PARVA: variants seen among roughly 807,000 people sequenced by gnomAD.
The protein encoded by PARVA is parvin alpha.
PARVA carries 25 observed loss-of-function variants against 52.6 expected under a neutral mutation model. The observed-to-expected ratio is 0.48, with a 90% CI of 0.35 to 0.66. The LOEUF is 0.66. Among genes scored for constraint, PARVA ranks in the 30% least tolerant of loss-of-function variants. The pLI is 0.01. For synonymous variants in PARVA, 185 were observed against 179.1 expected (o/e 1.03, Z -0.26); for missense variants, 373 against 450.9 (o/e 0.83, Z 1.56).
chr11:12,413,254 T>C (rs1267392227), intron 1 of PARVA, among the ~76,000 whole-genome samples: 1 of 152,222 alleles, frequency 6.6e-6, no homozygotes, highest in African/African-American at 2.4e-5. Flanking sequence ...AATCAGATTC[T>C]GTCCAGCTTC....
intron 1 of PARVA, among the ~76,000 whole-genome samples, chr11:12,452,536 A>G (rs1940637329): frequency 6.6e-6 from 1 of 151,992 alleles, no homozygotes; most frequent in Non-Finnish European, 1.5e-5. Context: ...CCCACAATTT[A>G]CCTCTGCCTT....
At chr11:12,396,468 C>G (rs1482293626) in intron 1 of PARVA, among the ~76,000 whole-genome samples, 1 of 152,238 alleles carries the variant, frequency 6.6e-6, no homozygotes, top group East Asian at 1.9e-4. Context: ...CTAGCACACA[C>G]TGGCTGTGTC....
At chr11:12,463,986 T>TTG (rs1204222656) in intron 1 of PARVA, among the ~76,000 whole-genome samples, 1 of 151,314 alleles carries the variant, frequency 6.6e-6, no homozygotes, top group Admixed American at 6.6e-5. Flanking sequence ...CTTTTTTTTT[T>TTG]TTTTTTCCTG....
At chr11:12,515,092 G>C (rs1941551379) in intron 10 of PARVA, among the ~76,000 whole-genome samples, 1 of 152,236 alleles carries the variant, frequency 6.6e-6, no homozygotes, top group African/African-American at 2.4e-5. Flanking sequence ...GAGGCACTCT[G>C]TCCATTAGTC....
intron 1 of PARVA, among the ~76,000 whole-genome samples, chr11:12,403,489 G>A (rs1362205619): frequency 3.3e-5 from 5 of 152,228 alleles, no homozygotes; most frequent in African/African-American, 1.2e-4. Flanking sequence ...GGGAGGTTCT[G>A]ATGCGGTGGG....
chr11:12,497,473 G>C (rs529927182), intron 5 of PARVA, among the ~76,000 whole-genome samples: 1 of 152,310 alleles, frequency 6.6e-6, no homozygotes, highest in East Asian at 1.9e-4. Flanking sequence ...AGCAAATGGA[G>C]TCTTCACCTC....
At position 12,406,233 on chromosome 11, in the gene PARVA, T is replaced by G. The variant is rs1939903878; in HGVS notation, c.136+28450T>G. Among the ~76,000 whole-genome samples, 4 of 152,248 alleles carry G rather than the reference T, an allele frequency of 2.6e-5. No homozygotes were observed. The South Asian group carries it at 8.3e-4, about 32-fold the overall frequency. On this transcript the variant is annotated intron_variant, in intron 1 of 12. Coordinates refer to ENST00000334956, the MANE Select transcript of PARVA (RefSeq NM_018222.5). ...GGAAATTCAGGCAGGAATTAATTAA[T>G]TCTATTGTTTTACGATAGAATTCCA...
chr11:12,530,289 C>T lies in PARVA; in HGVS notation c.*2364C>T, dbSNP rs1941755977. Reference sequence around the variant, plus strand: ...GCTGTCATCTCAGTTCGATATTTTACTTTAGAACCTGGAATCTCCTACTTA... The same window carrying T: ...GCTGTCATCTCAGTTCGATATTTTATTTTAGAACCTGGAATCTCCTACTTA... On this transcript the variant is annotated 3_prime_UTR_variant, in exon 13 of 13. Coordinates refer to ENST00000334956, the MANE Select transcript of PARVA (RefSeq NM_018222.5). The T allele has an allele frequency of 6.6e-6, 1 of 152,050 alleles. No homozygotes were observed. The highest frequency in any genetic ancestry group is 1.5e-5 in the Non-Finnish European group (1 of 68,026). The allele number at this position is 152,050 out of a possible 1,614,324, so 9.4% of individuals were successfully genotyped here.
intron 1 of PARVA, among the ~76,000 whole-genome samples, chr11:12,428,353 A>C (rs1589953809): frequency 1.3e-5 from 2 of 152,188 alleles, no homozygotes; most frequent in African/African-American, 4.8e-5. Context: ...GAAAGAAGAG[A>C]AGACACAGCA....
At chr11:12,376,512 T>G (rs1357513113), upstream of PARVA, among the ~76,000 whole-genome samples, 1 of 152,226 alleles carries the variant, frequency 6.6e-6, no homozygotes, top group African/African-American at 2.4e-5. Flanking sequence ...GAGCACAACT[T>G]CTGACAACAG....
intron 4 of PARVA, among the ~76,000 whole-genome samples, chr11:12,493,612 T>TAAAA (rs11390518): frequency 6.2e-5 from 9 of 145,850 alleles, no homozygotes; most frequent in African/African-American, 2.3e-4. Context: ...TACCAGACGC[T>TAAAA]AAAAAAAAAA....
chr11:12,465,013 G>A (rs1047067404), intron 1 of PARVA, among the ~76,000 whole-genome samples: 1 of 152,106 alleles, frequency 6.6e-6, no homozygotes, highest in African/African-American at 2.4e-5. Context: ...TTCACAATAG[G>A]GTTTGCGCTC....
At chr11:12,432,997 A>G (rs1940336202) in intron 1 of PARVA, among the ~76,000 whole-genome samples, 1 of 152,220 alleles carries the variant, frequency 6.6e-6, no homozygotes, top group Non-Finnish European at 1.5e-5. Context: ...ATTAAAAGGT[A>G]TATTAAATTG....
intron 4 of PARVA, among the ~76,000 whole-genome samples, chr11:12,495,657 A>T (rs1241906934): frequency 6.4e-5 from 2 of 31,210 alleles, no homozygotes; most frequent in African/African-American, 1.3e-4. Context: ...GTCATTGCAT[A>T]AAAAAAAACT....
intron 1 of PARVA, among the ~76,000 whole-genome samples, chr11:12,460,511 C>T (rs1236763393): frequency 1.3e-5 from 2 of 151,956 alleles, no homozygotes; most frequent in Non-Finnish European, 2.9e-5. Flanking sequence ...TCATCGATGA[C>T]AGGAGAGAGT....
intron 10 of PARVA, among the ~76,000 whole-genome samples, chr11:12,514,431 T>C (rs546544518): frequency 6.6e-6 from 1 of 152,348 alleles, no homozygotes; most frequent in African/African-American, 2.4e-5. Flanking sequence ...CATAATACAT[T>C]AATCTGTTTA....
intron 1 of PARVA, among the ~76,000 whole-genome samples, chr11:12,396,162 T>G (rs1209065799): frequency 6.6e-6 from 1 of 152,234 alleles, no homozygotes; most frequent in African/African-American, 2.4e-5. Context: ...GTCTAAGATC[T>G]CTCAGCTATT....
chr11:12,492,224 T>A lies in PARVA; in HGVS notation c.401-4234T>A, dbSNP rs539425181. ...TTGACTACTGTTTCATTGTTTTCTATATATAATCTCTCCAAAAGCAAATTT... is the reference window on the plus strand; with the variant it reads ...TTGACTACTGTTTCATTGTTTTCTAAATATAATCTCTCCAAAAGCAAATTT... On this transcript the variant is annotated intron_variant, in intron 4 of 12. Transcript: ENST00000334956. 2.0e-4 allele frequency among the ~76,000 whole-genome samples: 31 copies of A among 152,300 alleles called. No individual in the cohort carries two copies. In the South Asian group the frequency reaches 5.8e-3, roughly 28 times the overall value.
At chr11:12,439,119 G>A (rs936053971) in intron 1 of PARVA, among the ~76,000 whole-genome samples, 8 of 152,204 alleles carry the variant, frequency 5.3e-5, no homozygotes, top group Non-Finnish European at 1.0e-4. Flanking sequence ...TGACAGAGGA[G>A]ACCACTAGTT....
Sources: allele counts gnomAD v4.1 joint callset (sites outside exome capture counted in the v4.1 genomes callset), GRCh38; gene constraint gnomAD v4.1.1; transcripts MANE v1.5; gene names NCBI Gene and HGNC (gene_info 2026-07-23, HGNC 2026-07-21).